The following ENTPD1 variants were observed in gnomAD, a reference collection of about 807,000 sequenced individuals.
ENTPD1 encodes ATP diphosphohydrolase.
ENTPD1 carries 33 observed loss-of-function variants against 57.0 expected under a neutral mutation model. That is an observed-to-expected ratio of 0.58 (90% CI 0.44 to 0.77). ENTPD1 has a LOEUF of 0.77. ENTPD1 is among the 30% of genes least tolerant of loss of function. The pLI, the probability that ENTPD1 is intolerant of heterozygous loss-of-function variation, is 0.00. For missense variants in ENTPD1, 501 were observed against 603.4 expected, an observed-to-expected ratio of 0.83 and a Z score of 1.78; for synonymous variants, 202 against 218.8, an observed-to-expected ratio of 0.92 and a Z score of 0.68.
chr10:95,871,094 C>T lies in ENTPD1; in HGVS notation c.*4711C>T, dbSNP rs1021517504. ...GGTCTCCTGTCACTTCTGTCACAGG[C>T]TATTGTAAGTCATATGAGCAAGCTC... On this transcript the variant is annotated 3_prime_UTR_variant, in exon 10 of 10. Coordinates refer to ENST00000371205, the MANE Select transcript of ENTPD1 (RefSeq NM_001776.6). 1.0e-6 allele frequency: 1 copy of T among 985,358 alleles called. No homozygotes were observed. The allele number at this position is 985,358 out of a possible 1,614,324, so 61.0% of individuals were successfully genotyped here.
intron 1 of ENTPD1, among the ~76,000 whole-genome samples, chr10:95,803,651 G>A (rs1188909707): frequency 6.6e-6 from 1 of 152,048 alleles, no homozygotes; most frequent in Non-Finnish European, 1.5e-5. Context: ...CCATTCTGTA[G>A]GTTGCCTGTT....
At chr10:95,787,000 G>A (rs1347152843) in intron 1 of ENTPD1, among the ~76,000 whole-genome samples, 3 of 152,112 alleles carry the variant, frequency 2.0e-5, no homozygotes, top group Non-Finnish European at 2.9e-5. Context: ...GAGGAAACAA[G>A]GTAGAAAAGG....
chr10:95,842,206 A>G (rs1371294421), intron 3 of ENTPD1, 138 bp from the exon 4 acceptor site: 1 of 776,268 alleles, frequency 1.3e-6, no homozygotes, highest in Non-Finnish European at 2.1e-6. Context: ...CCCTCTAAGT[A>G]CAATAACCTA....
In ENTPD1 at chr10:95,737,627, T is replaced by C. The variant is rs373523894; in HGVS notation, c.37+25634T>C. On this transcript the variant is annotated intron_variant, in intron 1 of 9. Transcript: ENST00000453258. ...GTCTCAAACTCCTGACCTCAGGTGA[T>C]CCACCTGCTTCGGCCTCCCAAAGTG... Among the ~76,000 whole-genome samples the C allele has an allele frequency of 6.6e-5, 10 of 152,254 alleles. No homozygotes were observed. In the East Asian group the frequency reaches 1.9e-3, roughly 29 times the overall value.
At chr10:95,854,531 T>C (rs180996055) in intron 7 of ENTPD1, among the ~76,000 whole-genome samples, 5 of 152,322 alleles carry the variant, frequency 3.3e-5, no homozygotes, top group African/African-American at 9.6e-5. Flanking sequence ...TGTTAGGTTG[T>C]CAATTTTAGA....
chr10:95,810,077 C>T (rs2098297320), intron 1 of ENTPD1, among the ~76,000 whole-genome samples: 1 of 135,282 alleles, frequency 7.4e-6, no homozygotes, highest in Non-Finnish European at 1.6e-5. Flanking sequence ...CGCGGTCGGG[C>T]AGAGGCACTC....
At chr10:95,832,980 C>T (rs1424791677) in intron 2 of ENTPD1, among the ~76,000 whole-genome samples, 1 of 152,176 alleles carries the variant, frequency 6.6e-6, no homozygotes, top group Non-Finnish European at 1.5e-5. Flanking sequence ...TGCAGGATTT[C>T]CAGCTTCTGT....
In ENTPD1 at chr10:95,874,802, C is replaced by T. The variant is rs1309141512; in HGVS notation, c.*8419C>T. On this transcript the variant is annotated 3_prime_UTR_variant, in exon 10 of 10. Coordinates refer to ENST00000371205, the MANE Select transcript of ENTPD1 (RefSeq NM_001776.6). Reference sequence around the variant, plus strand: ...GAGGTTCCCAAATCTCAATTCTTGACATCTCTGCACCCACAGGCTCAACAT... The same window carrying T: ...GAGGTTCCCAAATCTCAATTCTTGATATCTCTGCACCCACAGGCTCAACAT... Among the ~76,000 whole-genome samples, 1 of 152,262 alleles carries T rather than the reference C, an allele frequency of 6.6e-6. No homozygotes were observed. The highest frequency in any genetic ancestry group is 1.9e-4 in the East Asian group (1 of 5,204).
chr10:95,848,992 C>T (rs1011276511), intron 7 of ENTPD1, among the ~76,000 whole-genome samples: 2 of 152,102 alleles, frequency 1.3e-5, no homozygotes, highest in Admixed American at 6.5e-5. Context: ...GGAGGAGCAG[C>T]AGTTAGATGA....
intron 1 of ENTPD1, among the ~76,000 whole-genome samples, chr10:95,742,373 AT>A (rs557609311): frequency 1.7e-4 from 25 of 147,026 alleles, no homozygotes; most frequent in African/African-American, 2.3e-4. Flanking sequence ...TCCTTTTGTT[AT>A]TTTTTTTTTC....
At chr10:95,754,588 C>T (rs1040188372), upstream of ENTPD1, 2 of 152,120 alleles carry the variant, frequency 1.3e-5, no homozygotes, top group African/African-American at 2.4e-5. Context: ...CAGTCATAAA[C>T]CAATTGTTGG....
chr10:95,721,702 G>T (rs780733454), intron 1 of ENTPD1, among the ~76,000 whole-genome samples: 1 of 151,402 alleles, frequency 6.6e-6, no homozygotes, highest in African/African-American at 2.4e-5. Flanking sequence ...AAAAAAAACC[G>T]GGATGCCATC....
Position 95,866,691 on chromosome 10 carries a change from A to C in ENTPD1, c.*308A>C. ...ATAATCTTTGCTTTATAAAAGAACAATATTGACTTTGTCTAGAAGAACTGA... is the reference window on the plus strand; with the variant it reads ...ATAATCTTTGCTTTATAAAAGAACACTATTGACTTTGTCTAGAAGAACTGA... On this transcript the variant is annotated 3_prime_UTR_variant, in exon 10 of 10. Transcript: ENST00000371205. The C allele has an allele frequency of 8.3e-7, 1 of 1,211,780 alleles. No homozygotes were observed. The highest frequency in any genetic ancestry group is 1.0e-6 in the Non-Finnish European group (1 of 960,458). 75.1% of individuals were successfully genotyped at this position (1,211,780 alleles called of 1,614,324 possible).
At chr10:95,779,400 C>T (rs1474686680) in intron 1 of ENTPD1, among the ~76,000 whole-genome samples, 1 of 152,150 alleles carries the variant, frequency 6.6e-6, no homozygotes, top group Non-Finnish European at 1.5e-5. Context: ...ACCATGTTCT[C>T]TCAAAGTCTC....
intron 1 of ENTPD1, among the ~76,000 whole-genome samples, chr10:95,743,887 G>A (rs915792880): frequency 6.6e-6 from 1 of 150,874 alleles, no homozygotes; most frequent in African/African-American, 2.4e-5. Context: ...ACTGGAGAAC[G>A]GTTATAGAAA....
chr10:95,853,568 T>C (rs1450224049), intron 7 of ENTPD1, among the ~76,000 whole-genome samples: 1 of 152,210 alleles, frequency 6.6e-6, no homozygotes, highest in East Asian at 1.9e-4. Context: ...GGCTGTGGGT[T>C]TGTCATAGAT....
chr10:95,855,912 GT>G (rs1471348987), intron 7 of ENTPD1, among the ~76,000 whole-genome samples: 1 of 152,126 alleles, frequency 6.6e-6, no homozygotes, highest in Non-Finnish European at 1.5e-5. Context: ...ATAATTATGT[GT>G]CTTGGAGTTG....
upstream of ENTPD1, chr10:95,755,997 G>T: frequency 1.4e-6 from 2 of 1,464,616 alleles, no homozygotes. Context: ...AAAAGGCTTC[G>T]AGTAACTTTA....
At position 95,875,701 on chromosome 10, in the gene ENTPD1, T is replaced by C. The variant is rs2098485022; in HGVS notation, c.*9318T>C. ...AAAAGAGGTTTAATTGGACTTATAGTTCCACCTGGCTGGGGAGGCCTCAGA... is the reference window on the plus strand; with the variant it reads ...AAAAGAGGTTTAATTGGACTTATAGCTCCACCTGGCTGGGGAGGCCTCAGA... On this transcript the variant is annotated 3_prime_UTR_variant, in exon 10 of 10. Coordinates refer to ENST00000371205, the MANE Select transcript of ENTPD1 (RefSeq NM_001776.6). 6.0e-6 allele frequency: 1 copy of C among 167,350 alleles called. No individual in the cohort carries two copies. Among genetic ancestry groups the C allele is most frequent in the Non-Finnish European group, 1.3e-5 (1 of 79,124 alleles). The allele number at this position is 167,350 out of a possible 1,614,324, so 10.4% of individuals were successfully genotyped here.
Sources: allele counts gnomAD v4.1 joint callset (sites outside exome capture counted in the v4.1 genomes callset), GRCh38; gene constraint gnomAD v4.1.1; transcripts MANE v1.5; gene names NCBI Gene and HGNC (gene_info 2026-07-23, HGNC 2026-07-21).